The following PRDM1 variants were observed in gnomAD, a reference collection of about 807,000 sequenced individuals.
The protein encoded by PRDM1 is PR/SET domain 1, also known as PR domain zinc finger protein 1.
Under a neutral mutation model 62.8 loss-of-function variants are expected in PRDM1, and 13 were observed. That is an observed-to-expected ratio of 0.21 (90% CI 0.13 to 0.33). PRDM1 has a LOEUF of 0.33. Among genes scored for constraint, PRDM1 ranks in the 10% least tolerant of loss-of-function variants. The pLI is 1.00. For synonymous variants in PRDM1, 396 were observed against 417.6 expected (o/e 0.95, Z 0.63); for missense variants, 895 against 1,058.8 (o/e 0.85, Z 2.15).
chr6:106,060,042 T>G (rs1402729498), intron 1 of PRDM1, among the ~76,000 whole-genome samples: 1 of 152,198 alleles, frequency 6.6e-6, no homozygotes, highest in African/African-American at 2.4e-5. Flanking sequence ...TATAGGAATC[T>G]GATGCTCAGG....
chr6:106,010,103 G>A (rs932582503), intron 1 of PRDM1, among the ~76,000 whole-genome samples: 3 of 152,184 alleles, frequency 2.0e-5, no homozygotes, highest in Non-Finnish European at 4.4e-5. Flanking sequence ...GTCCCAAGAT[G>A]TGCCCAGTTC....
intron 2 of PRDM1, 130 bp from the exon 3 acceptor site, chr6:106,095,485 G>C (rs1774088662): frequency 1.9e-6 from 2 of 1,025,666 alleles, no homozygotes; most frequent in Non-Finnish European, 2.8e-6. Context: ...CATCATTAAT[G>C]TCTGTTTACT....
chr6:106,093,352 A>G (rs917392298), intron 2 of PRDM1, among the ~76,000 whole-genome samples: 3 of 152,230 alleles, frequency 2.0e-5, no homozygotes, highest in African/African-American at 7.2e-5. Context: ...TTTGGTAATC[A>G]AGCTCTGACT....
intron 1 of PRDM1, among the ~76,000 whole-genome samples, chr6:106,034,630 T>TCG (rs1162176909): frequency 0.018 from 531 of 29,706 alleles, 4 homozygotes; most frequent in African/African-American, 0.063. Context: ...TTTCATGTTC[T>TCG]CTCTCTTTTT....
chr6:106,070,809 A>T (rs1339201162), intron 1 of PRDM1, among the ~76,000 whole-genome samples: 2 of 152,196 alleles, frequency 1.3e-5, no homozygotes, highest in East Asian at 3.8e-4. Flanking sequence ...TGTGCATTTG[A>T]CAAACATATT....
At chr6:106,089,301 A>G (rs1464618937) in intron 2 of PRDM1, among the ~76,000 whole-genome samples, 1 of 152,230 alleles carries the variant, frequency 6.6e-6, no homozygotes, top group Admixed American at 6.5e-5. Context: ...ACCCCTCAGC[A>G]GACTTCCCAT....
At chr6:106,003,937 G>A (rs1582422540) in intron 1 of PRDM1, among the ~76,000 whole-genome samples, 1 of 152,282 alleles carries the variant, frequency 6.6e-6, no homozygotes, top group African/African-American at 2.4e-5. Context: ...TGAATCAGTG[G>A]AGGAGTGACA....
chr6:106,070,747 T>C (rs1773496146), intron 1 of PRDM1, among the ~76,000 whole-genome samples: 1 of 152,236 alleles, frequency 6.6e-6, no homozygotes, highest in Non-Finnish European at 1.5e-5. Context: ...TAAATATTGG[T>C]AATATTGTTA....
intron 4 of PRDM1, chr6:106,100,243 CA>C (rs1562170793): frequency 6.6e-6 from 1 of 152,232 alleles, no homozygotes; most frequent in Non-Finnish European, 1.5e-5. Context: ...TGGTCATTCT[CA>C]AGTGATCTCT....
intron 1 of PRDM1, among the ~76,000 whole-genome samples, chr6:106,035,938 A>C (rs1451319925): frequency 1.3e-5 from 2 of 152,000 alleles, no homozygotes. Context: ...TTTTAAATAA[A>C]ATTTTTTTAA....
intron 1 of PRDM1, among the ~76,000 whole-genome samples, chr6:105,999,671 T>C (rs1772404611): frequency 6.6e-6 from 1 of 152,196 alleles, no homozygotes; most frequent in Non-Finnish European, 1.5e-5. Flanking sequence ...GAAATAAACT[T>C]AGACCTAGTG....
Position 106,106,366 on chromosome 6 carries a change from C to G in PRDM1, c.1774-5C>G. On this transcript the variant is annotated splice_polypyrimidine_tract_variant and splice_region_variant and intron_variant, in intron 5 of 6. Transcript: ENST00000369096. The surrounding 1 kb of genome is among the most constrained non-coding windows in gnomAD (Gnocchi z 4.4). ...GCAGAGCTAACACATGTGGCTTCTT[C>G]CCAGGTCCACCTGAGAGTGCACAGT... The G allele has an allele frequency of 3.1e-6, 5 of 1,614,064 alleles. No individual in the cohort carries two copies. In the South Asian group the frequency reaches 4.4e-5, roughly 14 times the overall value.
chr6:106,098,992 G>A, intron 3 of PRDM1: 3 of 1,581,858 alleles, frequency 1.9e-6, no homozygotes, highest in Non-Finnish European at 2.6e-6. Context: ...AGTACTCTGT[G>A]GTGGGTTAAT....
At chr6:106,094,965 C>T (rs573044710) in intron 2 of PRDM1, among the ~76,000 whole-genome samples, 4 of 148,608 alleles carry the variant, frequency 2.7e-5, no homozygotes, top group Admixed American at 6.7e-5. Flanking sequence ...GTAGAAGACT[C>T]GAGAAGAACA....
At chr6:105,998,890 CATATATATATAT>C (rs202209129) in intron 1 of PRDM1, among the ~76,000 whole-genome samples, 7 of 100,218 alleles carry the variant, frequency 7.0e-5, no homozygotes, top group Non-Finnish European at 1.1e-4. Context: ...AAAGTTAATA[CATATATATATAT>C]ATATATATAT....
chr6:106,072,249 T>C (rs534019954), intron 1 of PRDM1: 1 of 152,332 alleles, frequency 6.6e-6, no homozygotes, highest in Non-Finnish European at 1.5e-5. Flanking sequence ...AAGGAAAAAA[T>C]TCACATTCTA....
chr6:106,051,506 A>G (rs986575862), intron 1 of PRDM1, among the ~76,000 whole-genome samples: 2 of 152,240 alleles, frequency 1.3e-5, no homozygotes, highest in Non-Finnish European at 2.9e-5. Flanking sequence ...CTGGTTCTGT[A>G]AATGTCTTTA....
chr6:106,055,915 T>TAA (rs1452354999), intron 1 of PRDM1, among the ~76,000 whole-genome samples: 1 of 152,088 alleles, frequency 6.6e-6, no homozygotes, highest in African/African-American at 2.4e-5. Flanking sequence ...AAATATGAAT[T>TAA]AAGTAACAAG....
chr6:106,106,605 G>A lies in PRDM1; in HGVS notation c.1902+106G>A, dbSNP rs1344831420. The A allele has an allele frequency of 1.4e-6, 2 of 1,476,784 alleles. No homozygotes were observed. The highest frequency in any genetic ancestry group is 1.8e-6 in the Non-Finnish European group (2 of 1,088,780). The allele number at this position is 1,476,784 out of a possible 1,614,324, so 91.5% of individuals were successfully genotyped here. A position where few individuals can be genotyped will look rare whatever the true frequency, so the allele number is the denominator to read the frequency against. Reference sequence around the variant, plus strand: ...GTAGTTAAAGCCAACACCAGATTCTGCGTTGTCCCATCCTGGACTGATGGC... The same window carrying A: ...GTAGTTAAAGCCAACACCAGATTCTACGTTGTCCCATCCTGGACTGATGGC... On this transcript the variant is annotated intron_variant, in intron 6 of 6. Coordinates refer to ENST00000369096, the MANE Select transcript of PRDM1 (RefSeq NM_001198.4). This position sits in a 1 kb window ranked among gnomAD's most constrained non-coding sequence, Gnocchi z 4.4.
Sources: gnomAD v4.1 joint callset for allele counts (sites outside exome capture counted in the v4.1 genomes callset) on GRCh38, gnomAD v4.1.1 for gene constraint, Gnocchi (gnomAD v3.1) non-coding constraint, MANE v1.5 for transcripts, NCBI Gene and HGNC (gene_info 2026-07-23, HGNC 2026-07-21) for gene names.